Variants in EYS observed in about 807,000 individuals in gnomAD.
EYS encodes the protein EGF-like photoreceptor maintenance factor.
EYS carries 250 observed loss-of-function variants against 282.1 expected under a neutral mutation model. The observed-to-expected ratio is 0.89, with a 90% CI of 0.80 to 0.98. The LOEUF (loss-of-function observed/expected upper bound fraction) is 0.98. Ranked by LOEUF, EYS falls within the 50% of genes least tolerant of loss-of-function variation. EYS has a pLI of 0.00. For missense variants in EYS, 4,016 were observed against 3,709.0 expected, an observed-to-expected ratio of 1.08 and a Z score of -2.15; for synonymous variants, 1,355 against 1,282.9, an observed-to-expected ratio of 1.06 and a Z score of -1.20.
chr6:65,456,065 A>AAG (rs1764599169), intron 5 of EYS, among the ~76,000 whole-genome samples: 3 of 151,808 alleles, frequency 2.0e-5, no homozygotes, highest in East Asian at 1.9e-4. Flanking sequence ...GAAAGAAGGA[A>AAG]AGAGAGAGAG....
intron 30 of EYS, among the ~76,000 whole-genome samples, chr6:64,295,575 G>T (rs551642703): frequency 8.5e-6 from 1 of 117,676 alleles, no homozygotes; most frequent in Non-Finnish European, 1.8e-5. Flanking sequence ...AAAAGAAGAA[G>T]AAAATTAGCC....
chr6:64,903,240 A>G (rs912182947), intron 16 of EYS, among the ~76,000 whole-genome samples: 12 of 152,146 alleles, frequency 7.9e-5, no homozygotes, highest in Non-Finnish European at 1.3e-4. Context: ...TTTTTTCTGT[A>G]CTAGTTCAAA....
intron 5 of EYS, among the ~76,000 whole-genome samples, chr6:65,459,123 A>C (rs1437098951): frequency 2.0e-5 from 3 of 152,134 alleles, no homozygotes; most frequent in African/African-American, 7.2e-5. Context: ...CAGTCATTAA[A>C]ATCTGATAAG....
At chr6:63,902,534 T>C (rs1401661635) in intron 35 of EYS, among the ~76,000 whole-genome samples, 1 of 152,106 alleles carries the variant, frequency 6.6e-6, no homozygotes. Context: ...AATTATAACA[T>C]TGTATTTTTT....
chr6:64,436,116 G>A (rs2150463826), intron 28 of EYS, 58 bp downstream of exon 28: 4 of 1,017,328 alleles, frequency 3.9e-6, no homozygotes, highest in Non-Finnish European at 5.7e-6. Flanking sequence ...GTACAATATT[G>A]TTAGGGATAG....
intron 31 of EYS, among the ~76,000 whole-genome samples, chr6:64,191,612 A>G (rs1247979390): frequency 6.6e-6 from 1 of 152,028 alleles, no homozygotes; most frequent in African/African-American, 2.4e-5. Flanking sequence ...GTTTACTGAG[A>G]ATGATGATTT....
At chr6:63,991,837 C>G (rs9444424) in intron 34 of EYS, among the ~76,000 whole-genome samples, 284 of 151,754 alleles carry the variant, frequency 1.9e-3, no homozygotes, top group African/African-American at 6.6e-3. Flanking sequence ...AAAAGATGCA[C>G]AAAAAAGGCA....
intron 12 of EYS, among the ~76,000 whole-genome samples, chr6:65,113,854 A>G (rs1344420396): frequency 6.6e-6 from 1 of 152,074 alleles, no homozygotes; most frequent in Non-Finnish European, 1.5e-5. Context: ...AAAGAGAAAG[A>G]CAGGAGAAAA....
intron 26 of EYS, among the ~76,000 whole-genome samples, chr6:64,557,270 A>G (rs1446174131): frequency 6.6e-6 from 1 of 151,580 alleles, no homozygotes; most frequent in Non-Finnish European, 1.5e-5. Flanking sequence ...AAATAAATGA[A>G]TATCAAGATC....
intron 5 of EYS, among the ~76,000 whole-genome samples, chr6:65,471,283 GCTA>G (rs1281478207): frequency 6.7e-6 from 1 of 149,886 alleles, no homozygotes; most frequent in African/African-American, 2.5e-5. Flanking sequence ...TGTGGTCCCA[GCTA>G]CTCAATGGCT....
At chr6:65,021,896 C>T (rs1224106258) in intron 13 of EYS, among the ~76,000 whole-genome samples, 1 of 152,052 alleles carries the variant, frequency 6.6e-6, no homozygotes, top group African/African-American at 2.4e-5. Context: ...GGGGAAAGCC[C>T]TTTATAAAAT....
At chr6:63,945,171 C>G (rs969216734) in intron 35 of EYS, among the ~76,000 whole-genome samples, 14 of 152,062 alleles carry the variant, frequency 9.2e-5, no homozygotes, top group Admixed American at 4.6e-4. Context: ...AATTGACTCA[C>G]AGTTCAGCAT....
chr6:64,540,840 T>G (rs1434645108), intron 26 of EYS, among the ~76,000 whole-genome samples: 1 of 152,088 alleles, frequency 6.6e-6, no homozygotes, highest in Non-Finnish European at 1.5e-5. Flanking sequence ...TTATATTACA[T>G]GGCAATGTGC....
intron 30 of EYS, among the ~76,000 whole-genome samples, chr6:64,298,750 C>T (rs1037776765): frequency 6.6e-6 from 1 of 152,106 alleles, no homozygotes; most frequent in Admixed American, 6.5e-5. Context: ...GATAAAAACA[C>T]TTTTTTCAAC....
At chr6:65,090,387 C>A (rs1774523768) in intron 12 of EYS, among the ~76,000 whole-genome samples, 1 of 152,136 alleles carries the variant, frequency 6.6e-6, no homozygotes, top group South Asian at 2.1e-4. Flanking sequence ...TAGGCCTCAC[C>A]TGCCATGCAG....
chr6:64,491,109 G>T lies in EYS; in HGVS notation c.5645-51757C>A, dbSNP rs592870. Among the ~76,000 whole-genome samples, 918 of 150,834 alleles carry T rather than the reference G, an allele frequency of 6.1e-3. 7 individuals carry two copies. The highest frequency in any genetic ancestry group is 0.017 in the African/African-American group (716 of 41,380). ...AAAAGGATGGGGTGGATAATAATAA[G>T]AAGAAGAATATCATCCAATATGAAG... On this transcript the variant is annotated intron_variant, in intron 26 of 42. Coordinates refer to ENST00000503581, the MANE Select transcript of EYS (RefSeq NM_001142800.2).
intron 31 of EYS, among the ~76,000 whole-genome samples, chr6:64,152,186 C>T (rs929006238): frequency 6.6e-6 from 1 of 151,812 alleles, no homozygotes; most frequent in African/African-American, 2.4e-5. Flanking sequence ...AACTTTAGAG[C>T]ATGGGAAATA....
chr6:64,343,978 C>G (rs1459969589), intron 29 of EYS, among the ~76,000 whole-genome samples: 2 of 152,116 alleles, frequency 1.3e-5, no homozygotes, highest in African/African-American at 2.4e-5. Flanking sequence ...AATTCCTGGA[C>G]ACATACACAC....
At chr6:63,973,679 C>T (rs1041351447) in intron 35 of EYS, among the ~76,000 whole-genome samples, 1 of 152,140 alleles carries the variant, frequency 6.6e-6, no homozygotes, top group Non-Finnish European at 1.5e-5. Flanking sequence ...ACAGACAACA[C>T]TTGGTAATTA....
Sources: gnomAD v4.1 joint callset for allele counts (sites outside exome capture counted in the v4.1 genomes callset) on GRCh38, gnomAD v4.1.1 for gene constraint, MANE v1.5 for transcripts, NCBI Gene and HGNC (gene_info 2026-07-23, HGNC 2026-07-21) for gene names.